Variants in TMEM114 observed in about 807,000 individuals in gnomAD.
The protein encoded by TMEM114 is transmembrane protein 114.
Under a neutral mutation model 6.2 loss-of-function variants are expected in TMEM114, and 6 were observed. That is an observed-to-expected ratio of 0.97 (90% CI 0.53 to 1.91). The LOEUF (loss-of-function observed/expected upper bound fraction) is 1.91. Ranked by LOEUF, TMEM114 falls within the 40% of genes most tolerant of loss-of-function variation. TMEM114 has a pLI of 0.01. For missense variants in TMEM114, 218 were observed against 158.3 expected (o/e 1.38, Z -2.02); for synonymous variants, 104 against 73.0 (o/e 1.42, Z -2.16).
At chr16:8,571,357 T>A (rs1463196356) in intron 3 of TMEM114, among the ~76,000 whole-genome samples, 3 of 152,336 alleles carry the variant, frequency 2.0e-5, no homozygotes, top group African/African-American at 7.2e-5. Context: ...GAGGATTTGA[T>A]ATGTGTGTGT....
chr16:8,583,221 A>G (rs1198924808), intron 2 of TMEM114, among the ~76,000 whole-genome samples: 1 of 152,214 alleles, frequency 6.6e-6, no homozygotes, highest in African/African-American at 2.4e-5. Context: ...AGTACTGGGG[A>G]TGAAATCAAT....
At chr16:8,559,144 G>C (rs1320192526) in intron 2 of TMEM114, among the ~76,000 whole-genome samples, 1 of 152,086 alleles carries the variant, frequency 6.6e-6, no homozygotes, top group Non-Finnish European at 1.5e-5. Flanking sequence ...CCAGGTTCAA[G>C]TGATTGTCCT....
chr16:8,548,705 C>G (rs4074768), intron 2 of TMEM114, among the ~76,000 whole-genome samples: 1 of 142,324 alleles, frequency 7.0e-6, no homozygotes, highest in African/African-American at 2.7e-5. Flanking sequence ...TATATATATA[C>G]ACAGAAAAAA....
At chr16:8,529,848 G>A in the TMEM114 span, among the ~76,000 whole-genome samples, 6 of 152,118 alleles carry the variant, frequency 3.9e-5, no homozygotes, top group Admixed American at 6.5e-5. Context: ...TGATTCTGAG[G>A]TGCAGCCAAG....
chr16:8,545,780 A>G (rs749615701), intron 2 of TMEM114, among the ~76,000 whole-genome samples: 10 of 152,158 alleles, frequency 6.6e-5, no homozygotes, highest in Non-Finnish European at 1.3e-4. Flanking sequence ...GGTTTCTTAC[A>G]TATTTTACCC....
chr16:8,535,165 G>C (rs1436160726), downstream of TMEM114, among the ~76,000 whole-genome samples: 6 of 152,122 alleles, frequency 3.9e-5, no homozygotes, highest in African/African-American at 1.4e-4. Context: ...GGCATATATT[G>C]GAACCACATA....
chr16:8,588,536 C>T (rs1342486789), intron 2 of TMEM114, among the ~76,000 whole-genome samples: 3 of 152,198 alleles, frequency 2.0e-5, no homozygotes, highest in Non-Finnish European at 4.4e-5. Flanking sequence ...ATTTCCCTCC[C>T]TCCACAAATG....
intron 2 of TMEM114, among the ~76,000 whole-genome samples, chr16:8,578,260 C>A (rs1406723573): frequency 6.6e-6 from 1 of 152,064 alleles, no homozygotes; most frequent in Non-Finnish European, 1.5e-5. Context: ...GTTCTGGAGG[C>A]CAGAAGTACA....
chr16:8,564,372 A>G (rs1166280096), intron 2 of TMEM114, among the ~76,000 whole-genome samples: 3 of 150,742 alleles, frequency 2.0e-5, no homozygotes, highest in Admixed American at 2.0e-4. Context: ...TGAATGAGTC[A>G]GTGAATGAGT....
intron 2 of TMEM114, among the ~76,000 whole-genome samples, chr16:8,580,423 G>T (rs1434708180): frequency 1.3e-5 from 2 of 151,290 alleles, no homozygotes; most frequent in African/African-American, 4.9e-5. Flanking sequence ...GGAGGCGGAG[G>T]CTGCAGTGAG....
intron 2 of TMEM114, among the ~76,000 whole-genome samples, chr16:8,562,946 A>AAATGAGTGAGTG (rs1243116125): frequency 2.7e-5 from 1 of 37,274 alleles, no homozygotes; most frequent in Non-Finnish European, 6.6e-5. Context: ...ATTAGTGAGT[A>AAATGAGTGAGTG]AATGAGTGAG....
At chr16:8,575,828 A>G (rs763961456) in intron 2 of TMEM114, among the ~76,000 whole-genome samples, 1 of 152,212 alleles carries the variant, frequency 6.6e-6, no homozygotes, top group Non-Finnish European at 1.5e-5. Context: ...TCTAAATGAA[A>G]TAATATGCAT....
chr16:8,581,037 C>T (rs1902131684), intron 2 of TMEM114, among the ~76,000 whole-genome samples: 1 of 152,138 alleles, frequency 6.6e-6, no homozygotes, highest in Non-Finnish European at 1.5e-5. Flanking sequence ...GTTTGACCAT[C>T]CACAGCACCC....
downstream of TMEM114, chr16:8,569,357 G>T: frequency 2.9e-6 from 2 of 683,970 alleles, no homozygotes; most frequent in Non-Finnish European, 3.7e-6. Context: ...TCCCCAGAGA[G>T]AGCTGAACGC....
chr16:8,529,618 A>T, the TMEM114 span, among the ~76,000 whole-genome samples: 7 of 152,104 alleles, frequency 4.6e-5, no homozygotes, highest in Non-Finnish European at 8.8e-5. Flanking sequence ...AGGAACCTAC[A>T]TTGATAATTA....
At chr16:8,561,902 G>A (rs1199150682) in intron 2 of TMEM114, among the ~76,000 whole-genome samples, 10 of 73,884 alleles carry the variant, frequency 1.4e-4, no homozygotes, top group Non-Finnish European at 2.5e-4. Context: ...ATGAGTAAAT[G>A]AGTGAATGAA....
chr16:8,551,564 G>T (rs1049733735), intron 2 of TMEM114, among the ~76,000 whole-genome samples: 1 of 152,190 alleles, frequency 6.6e-6, no homozygotes, highest in Admixed American at 6.5e-5. Flanking sequence ...AAGAGAGAAA[G>T]TCCATCAGTG....
intron 2 of TMEM114, among the ~76,000 whole-genome samples, chr16:8,574,471 A>G (rs1006543408): frequency 9.2e-5 from 14 of 152,330 alleles, no homozygotes; most frequent in African/African-American, 3.4e-4. Context: ...TTGGTGAGTC[A>G]AGAAAACAAG....
intron 2 of TMEM114, among the ~76,000 whole-genome samples, chr16:8,575,174 G>A (rs80301726): frequency 2.0e-5 from 3 of 152,192 alleles, no homozygotes; most frequent in Non-Finnish European, 4.4e-5. Flanking sequence ...AAAAGAGTCT[G>A]TGACATACAA....
Sources: gnomAD v4.1 joint callset for allele counts (sites outside exome capture counted in the v4.1 genomes callset) on GRCh38, gnomAD v4.1.1 for gene constraint, MANE v1.5 for transcripts, NCBI Gene and HGNC (gene_info 2026-07-23, HGNC 2026-07-21) for gene names.